Variants in NAPEPLD observed in about 807,000 individuals in gnomAD.
NAPEPLD encodes N-acyl-phosphatidylethanolamine-hydrolyzing phospholipase D.
In NAPEPLD, 23 loss-of-function variants were observed where a neutral mutation model predicts 38.1. The observed-to-expected ratio is 0.60, with a 90% CI of 0.43 to 0.86. NAPEPLD has a LOEUF of 0.86. Among genes scored for constraint, NAPEPLD ranks in the 40% least tolerant of loss-of-function variants. NAPEPLD has a pLI of 0.00. For missense variants in NAPEPLD, 411 were observed against 476.8 expected, an observed-to-expected ratio of 0.86 and a Z score of 1.28; for synonymous variants, 147 against 162.0, an observed-to-expected ratio of 0.91 and a Z score of 0.71.
Position 103,102,005 on chromosome 7 carries a change from C to CCA in NAPEPLD, c.*1423_*1424insTG, listed in dbSNP as rs1563339996. On this transcript the variant is annotated 3_prime_UTR_variant, in exon 5 of 5. Transcript: ENST00000465647. ...AAATCTTATGTCAACTGACTCCCCC[C>CCA]CCGCCCCCCAACCACTGGCATTCAT... The CCA allele has an allele frequency of 7.3e-6, 1 of 136,306 alleles. No homozygotes were observed. The highest frequency in any genetic ancestry group is 2.7e-5 in the African/African-American group (1 of 37,456). 8.4% of individuals were successfully genotyped at this position (136,306 alleles called of 1,614,324 possible).
At chr7:103,141,622 G>A (rs1811388121) in intron 1 of NAPEPLD, 1 of 903,560 alleles carries the variant, frequency 1.1e-6, no homozygotes, top group East Asian at 2.4e-5. Flanking sequence ...GGTATCTTCT[G>A]AGCAGCCGGT....
intron 1 of NAPEPLD, among the ~76,000 whole-genome samples, 190 bp downstream of exon 1, chr7:103,148,621 C>G (rs1813091077): frequency 6.7e-6 from 1 of 149,746 alleles, no homozygotes; most frequent in African/African-American, 2.4e-5. Flanking sequence ...CCCCAGCTAG[C>G]CCCATTTTTT....
intron 4 of NAPEPLD, among the ~76,000 whole-genome samples, chr7:103,114,415 C>T (rs1001150832): frequency 1.3e-4 from 20 of 152,166 alleles, no homozygotes; most frequent in African/African-American, 2.4e-5. Flanking sequence ...TCAATGTTTA[C>T]TGAATATATT....
At chr7:103,106,085 C>A (rs930845168) in intron 4 of NAPEPLD, among the ~76,000 whole-genome samples, 84 of 152,208 alleles carry the variant, frequency 5.5e-4, no homozygotes, top group African/African-American at 2.0e-3. Flanking sequence ...GGGTGCAGCC[C>A]ACGGAGGGTG....
At chr7:103,123,614 G>A (rs1401606600) in intron 2 of NAPEPLD, among the ~76,000 whole-genome samples, 2 of 152,176 alleles carry the variant, frequency 1.3e-5, no homozygotes, top group South Asian at 2.1e-4. Context: ...TGCTTATTAT[G>A]TGCTAGACAC....
intron 1 of NAPEPLD, 80 bp downstream of exon 1, chr7:103,148,731 A>G (rs1813122030): frequency 1.3e-6 from 1 of 791,018 alleles, no homozygotes; most frequent in Non-Finnish European, 1.5e-6. Context: ...GATAAACACT[A>G]TAGATGAAGC....
At chr7:103,149,414 C>A (rs930119736), upstream of NAPEPLD, 115 of 1,232,378 alleles carry the variant, frequency 9.3e-5, no homozygotes, top group Middle Eastern at 3.0e-4. Flanking sequence ...AACCCGAGCC[C>A]GCCGCGCTGG....
At chr7:103,140,276 G>A (rs558630015) in intron 1 of NAPEPLD, among the ~76,000 whole-genome samples, 8 of 151,762 alleles carry the variant, frequency 5.3e-5, no homozygotes, top group African/African-American at 1.9e-4. Context: ...ACACTAATGT[G>A]ATAAGGAAGC....
At chr7:103,122,222 C>T (rs187138047) in intron 2 of NAPEPLD, among the ~76,000 whole-genome samples, 12 of 151,976 alleles carry the variant, frequency 7.9e-5, no homozygotes, top group Admixed American at 2.6e-4. Flanking sequence ...TGAGCCACCA[C>T]GCCAGGCCTA....
chr7:103,120,695 A>ATTTTTT (rs1563355903), intron 2 of NAPEPLD, among the ~76,000 whole-genome samples: 9 of 32,996 alleles, frequency 2.7e-4, no homozygotes, highest in Non-Finnish European at 5.5e-4. Context: ...TGAATCTGAT[A>ATTTTTT]TTTTTCTTTT....
At chr7:103,103,627 A>T in intron 4 of NAPEPLD, 73 bp from the exon 5 acceptor site, 3 of 1,475,756 alleles carry the variant, frequency 2.0e-6, no homozygotes, top group Non-Finnish European at 2.7e-6. Context: ...ATAACAGTTC[A>T]AACTAAAATA....
intron 1 of NAPEPLD, among the ~76,000 whole-genome samples, chr7:103,138,532 G>A (rs1017620566): frequency 6.7e-6 from 1 of 148,772 alleles, no homozygotes; most frequent in East Asian, 2.0e-4. Context: ...CCAGTGGTGC[G>A]ATCTCAGCTC....
intron 1 of NAPEPLD, among the ~76,000 whole-genome samples, chr7:103,147,615 AC>A (rs1201099600): frequency 6.6e-5 from 10 of 152,324 alleles, no homozygotes; most frequent in Admixed American, 6.5e-4. Flanking sequence ...TTTCGAACAA[AC>A]ACAAGAATGA....
chr7:103,138,721 C>T (rs1810600685), intron 1 of NAPEPLD, among the ~76,000 whole-genome samples: 1 of 152,180 alleles, frequency 6.6e-6, no homozygotes, highest in South Asian at 2.1e-4. Context: ...CCACCCGCCT[C>T]GGCCTCCCAA....
At chr7:103,104,584 A>G (rs1196401595) in intron 4 of NAPEPLD, among the ~76,000 whole-genome samples, 1 of 152,242 alleles carries the variant, frequency 6.6e-6, no homozygotes, top group African/African-American at 2.4e-5. Flanking sequence ...TTTTATGGCT[A>G]TGTTTAAAGA....
intron 2 of NAPEPLD, chr7:103,127,667 T>G (rs1399576391): frequency 6.6e-6 from 1 of 151,630 alleles, no homozygotes. Flanking sequence ...AAAATGGCAT[T>G]GAGAGGCCAT....
In NAPEPLD at chr7:103,141,488, C is replaced by T. The variant is rs565591887; in HGVS notation, c.-17+7323G>A. Reference sequence around the variant, plus strand: ...AGCCTGATCAGCCAGGAGCTTCTTGCGGGCCTTGTCTGCCTTCAGCTTGTG... The same window carrying T: ...AGCCTGATCAGCCAGGAGCTTCTTGTGGGCCTTGTCTGCCTTCAGCTTGTG... On this transcript the variant is annotated intron_variant, in intron 1 of 4. Transcript: ENST00000465647. 1.3e-4 allele frequency: 181 copies of T among 1,390,448 alleles called. No individual in the cohort carries two copies. In the African/African-American group the frequency reaches 2.0e-3, roughly 15 times the overall value. The allele number at this position is 1,390,448 out of a possible 1,614,324, so 86.1% of individuals were successfully genotyped here. A position where few individuals can be genotyped will look rare whatever the true frequency, so the allele number is the denominator to read the frequency against.
In NAPEPLD at chr7:103,149,028, G is replaced by C; in HGVS notation, c.-234C>G. ...CATCTCCGAGATGAGGGAGGGCTCG[G>C]GGACGGGAAACCCACTCTCAGCCCG... On this transcript the variant is annotated 5_prime_UTR_variant, in exon 1 of 5. Transcript: ENST00000465647. 1 of 985,420 alleles carries C rather than the reference G, an allele frequency of 1.0e-6. No homozygotes were observed. The highest frequency in any genetic ancestry group is 1.2e-6 in the Non-Finnish European group (1 of 829,946). 61.0% of individuals were successfully genotyped at this position (985,420 alleles called of 1,614,324 possible). A position where few individuals can be genotyped will look rare whatever the true frequency, so the allele number is the denominator to read the frequency against.
At chr7:103,139,386 A>G (rs1277467129) in intron 1 of NAPEPLD, among the ~76,000 whole-genome samples, 1 of 152,210 alleles carries the variant, frequency 6.6e-6, no homozygotes, top group African/African-American at 2.4e-5. Flanking sequence ...CATTTACAGA[A>G]GTGTCAGCTC....
Sources: allele counts gnomAD v4.1 joint callset (sites outside exome capture counted in the v4.1 genomes callset), GRCh38; gene constraint gnomAD v4.1.1; transcripts MANE v1.5; gene names NCBI Gene and HGNC (gene_info 2026-07-23, HGNC 2026-07-21).